KCNT2: variants seen among roughly 807,000 people sequenced by gnomAD.
KCNT2 encodes the protein potassium sodium-activated channel subfamily T member 2, also known as potassium channel subfamily T member 2.
A neutral mutation model predicts 153.8 loss-of-function variants in KCNT2; 67 were observed. That is an observed-to-expected ratio of 0.44 (90% confidence interval 0.36 to 0.53). KCNT2 has a LOEUF of 0.53. KCNT2 is among the 20% of genes least tolerant of loss of function. KCNT2 has a pLI of 0.00. For synonymous variants in KCNT2, 500 were observed against 458.8 expected (o/e 1.09, Z -1.15); for missense variants, 975 against 1,354.8 (o/e 0.72, Z 4.40).
intron 12 of KCNT2, among the ~76,000 whole-genome samples, chr1:196,411,062 CT>C (rs1672266981): frequency 1.3e-3 from 1 of 752 alleles, no homozygotes; most frequent in Admixed American, 0.021. Context: ...CTATTCCCTC[CT>C]TCCTTCCTTC....
chr1:196,331,323 C>T (rs768926270), intron 17 of KCNT2, 62 bp from the exon 18 acceptor site: 60 of 828,408 alleles, frequency 7.2e-5, no homozygotes, highest in Middle Eastern at 4.6e-4. Context: ...AATTAAGTTA[C>T]GACCATGTTC....
chr1:196,429,549 C>T (rs774335746), intron 9 of KCNT2, 28 bp downstream of exon 9: 1 of 1,499,422 alleles, frequency 6.7e-7, no homozygotes, highest in Non-Finnish European at 9.1e-7. Flanking sequence ...CTGTACATTT[C>T]TATGCAATAT....
chr1:196,448,752 A>C (rs1675906122), intron 8 of KCNT2, among the ~76,000 whole-genome samples: 1 of 151,724 alleles, frequency 6.6e-6, no homozygotes, highest in Non-Finnish European at 1.5e-5. Context: ...TTATTCAACT[A>C]AAGTCACACA....
chr1:196,460,491 C>G (rs1017672002), intron 8 of KCNT2, among the ~76,000 whole-genome samples: 22 of 151,566 alleles, frequency 1.5e-4, no homozygotes, highest in African/African-American at 5.3e-4. Flanking sequence ...CTAGTATTAT[C>G]CAACTACCAT....
chr1:196,461,617 A>G (rs186302352), intron 8 of KCNT2, among the ~76,000 whole-genome samples: 1 of 151,920 alleles, frequency 6.6e-6, no homozygotes, highest in Admixed American at 6.6e-5. Flanking sequence ...AAAGTCATGC[A>G]TTTAATTCCC....
chr1:196,440,486 G>C, intron 8 of KCNT2, among the ~76,000 whole-genome samples: 1 of 151,904 alleles, frequency 6.6e-6, no homozygotes, highest in East Asian at 2.0e-4. Flanking sequence ...CAAATATTTT[G>C]GTTTATACAG....
chr1:196,435,389 A>G (rs1674567581), intron 8 of KCNT2, among the ~76,000 whole-genome samples: 1 of 150,960 alleles, frequency 6.6e-6, no homozygotes, highest in Admixed American at 6.6e-5. Context: ...ATTTAAATAT[A>G]ATAAATGAAA....
intron 1 of KCNT2, among the ~76,000 whole-genome samples, chr1:196,517,360 A>T (rs1652724678): frequency 6.6e-6 from 1 of 152,228 alleles, no homozygotes; most frequent in Non-Finnish European, 1.5e-5. Context: ...TCAAGTGGGC[A>T]GAGTGTCTTA....
rs750959843 is a variant in KCNT2 at position 196,331,214 on chromosome 1, G to A, written c.2045C>T (p.Pro682Leu). Residue 682 changes from proline to leucine, a missense_variant, in exon 18 of 28, where the codon CCC becomes CTC. Physicochemically the swap from Pro to Leu is moderately conservative, Grantham distance 98. Transcript: ENST00000294725. The part of the protein sequence containing the change: ...PPYSPYIGSS[P>L]TFCHLLHEKV... Reference sequence around the variant, plus strand: ...TTCATGAAGGAGATGACAAAAAGTGGGTGAACTTCCTATATATGGAGAATA... The same window carrying A: ...TTCATGAAGGAGATGACAAAAAGTGAGTGAACTTCCTATATATGGAGAATA... The A allele has an allele frequency of 7.5e-6, 12 of 1,609,154 alleles. No individual in the cohort carries two copies.
intron 21 of KCNT2, among the ~76,000 whole-genome samples, chr1:196,310,656 A>G (rs1486487310): frequency 6.6e-6 from 1 of 151,874 alleles, no homozygotes; most frequent in Non-Finnish European, 1.5e-5. Context: ...CTAAGACAAT[A>G]TTCTTTTCTT....
chr1:196,553,707 G>A (rs558181935), intron 1 of KCNT2, among the ~76,000 whole-genome samples: 8 of 150,688 alleles, frequency 5.3e-5, no homozygotes, highest in Non-Finnish European at 1.0e-4. Context: ...TCAGCACATC[G>A]GTCATTCTCA....
Position 196,536,219 on chromosome 1 carries a change from T to C in KCNT2, c.96-43878A>G, listed in dbSNP as rs115352089. On this transcript the variant is annotated intron_variant, in intron 1 of 27. Transcript: ENST00000294725. ...ACAGGTTACTATTCAGCCCCATACCTGGTGGAGAAAGACATCTTTCCTACC... is the reference window on the plus strand; with the variant it reads ...ACAGGTTACTATTCAGCCCCATACCCGGTGGAGAAAGACATCTTTCCTACC... Among the ~76,000 whole-genome samples, 1,100 of 152,340 alleles carry C rather than the reference T, an allele frequency of 7.2e-3. 7 individuals carry two copies. Among genetic ancestry groups the C allele is most frequent in the Non-Finnish European group, 0.012 (837 of 68,032 alleles).
intron 8 of KCNT2, among the ~76,000 whole-genome samples, chr1:196,441,882 T>A (rs1306155241): frequency 1.3e-5 from 2 of 151,842 alleles, no homozygotes; most frequent in Non-Finnish European, 2.9e-5. Flanking sequence ...AAATACATAC[T>A]GTGCTTAATG....
intron 1 of KCNT2, among the ~76,000 whole-genome samples, chr1:196,519,714 A>G (rs1653088249): frequency 6.6e-6 from 1 of 152,128 alleles, no homozygotes; most frequent in Admixed American, 6.5e-5. Flanking sequence ...AAATTCCTGA[A>G]CACATACACC....
At chr1:196,334,487 C>CTTGTTTTTTTTTTTTTTTTTTTT (rs1664800403) in intron 16 of KCNT2, among the ~76,000 whole-genome samples, 1 of 87,264 alleles carries the variant, frequency 1.1e-5, no homozygotes, top group African/African-American at 4.4e-5. Context: ...TTCTTTCTTT[C>CTTGTTTTTTTTTTTTTTTTTTTT]TTTTTTTTTT....
chr1:196,573,674 G>A (rs1054524594), intron 1 of KCNT2, among the ~76,000 whole-genome samples: 3 of 151,980 alleles, frequency 2.0e-5, no homozygotes, highest in Admixed American at 1.3e-4. Context: ...AGGAGGAAGA[G>A]GAGGGAGAGA....
chr1:196,371,059 G>A (rs760489909), intron 14 of KCNT2, among the ~76,000 whole-genome samples: 1 of 151,466 alleles, frequency 6.6e-6, no homozygotes. Flanking sequence ...AATTCTTTAC[G>A]TTCATTTATT....
intron 1 of KCNT2, among the ~76,000 whole-genome samples, chr1:196,519,659 G>A (rs6662968): frequency 0.017 from 2,613 of 151,928 alleles, 79 homozygotes; most frequent in African/African-American, 0.059. Flanking sequence ...AGACTACTAC[G>A]AACACCTCTA....
chr1:196,410,776 A>G (rs1233183524), intron 12 of KCNT2, among the ~76,000 whole-genome samples: 1 of 151,448 alleles, frequency 6.6e-6, no homozygotes, highest in East Asian at 1.9e-4. Context: ...TAACCAAGAA[A>G]TCAATGCCAA....
Sources: allele counts gnomAD v4.1 joint callset (sites outside exome capture counted in the v4.1 genomes callset), GRCh38; gene constraint gnomAD v4.1.1; transcripts MANE v1.5; gene names NCBI Gene and HGNC (gene_info 2026-07-23, HGNC 2026-07-21).